Variants in MTRR observed in about 807,000 individuals in gnomAD.
MTRR encodes the protein 5-methyltetrahydrofolate-homocysteine methyltransferase reductase.
MTRR carries 63 observed loss-of-function variants against 79.2 expected under a neutral mutation model. The ratio of observed to expected loss-of-function variants is 0.80; its 90% CI spans 0.65 to 0.98. MTRR has a LOEUF of 0.98. MTRR is among the 50% of genes least tolerant of loss of function. MTRR has a pLI of 0.00. For missense variants in MTRR, 895 were observed against 839.6 expected (o/e 1.07, Z -0.82); for synonymous variants, 355 against 313.3 (o/e 1.13, Z -1.41).
intron 8 of MTRR, among the ~76,000 whole-genome samples, chr5:7,886,987 C>G (rs1178071151): frequency 1.3e-5 from 2 of 152,044 alleles, no homozygotes; most frequent in South Asian, 4.1e-4. Flanking sequence ...CTTACTTTTA[C>G]TAGTTATTAA....
At chr5:7,858,239 TG>T (rs948194593) in intron 1 of MTRR, among the ~76,000 whole-genome samples, 10 of 152,312 alleles carry the variant, frequency 6.6e-5, no homozygotes, top group African/African-American at 2.4e-4. Flanking sequence ...AAGGGGTTTC[TG>T]AGGCCTGATA....
At chr5:7,889,363 C>A in intron 9 of MTRR, 88 bp downstream of exon 9, 2 of 1,408,332 alleles carry the variant, frequency 1.4e-6, no homozygotes, top group South Asian at 2.3e-5. Flanking sequence ...ATTTGCTGCT[C>A]TTGTCTTACC....
At chr5:7,859,464 G>C in intron 1 of MTRR, 1 of 1,607,242 alleles carries the variant, frequency 6.2e-7, no homozygotes, top group Non-Finnish European at 8.5e-7. Flanking sequence ...ACAGTGTTTT[G>C]AGAAAACAGT....
intron 9 of MTRR, chr5:7,890,234 G>C (rs1737319823): frequency 1.0e-6 from 1 of 984,486 alleles, no homozygotes; most frequent in Admixed American, 6.2e-5. Flanking sequence ...TGCAAGTCAG[G>C]GCCTGATTTC....
chr5:7,872,311 A>G (rs1399942966), intron 2 of MTRR: 24 of 421,032 alleles, frequency 5.7e-5, no homozygotes, highest in Non-Finnish European at 1.1e-4. Flanking sequence ...TACAAGTAAG[A>G]CAAGGAAGTG....
chr5:7,868,340 C>T (rs964955617), upstream of MTRR: 1 of 423,744 alleles, frequency 2.4e-6, no homozygotes, highest in Admixed American at 4.0e-5. Context: ...TGTAGGTATT[C>T]TATTAACTTA....
intron 12 of MTRR, among the ~76,000 whole-genome samples, chr5:7,896,162 G>T (rs1738485783): frequency 6.6e-6 from 1 of 152,176 alleles, no homozygotes; most frequent in African/African-American, 2.4e-5. Flanking sequence ...TACAGCTGTT[G>T]TATCTATCCC....
intron 1 of MTRR, among the ~76,000 whole-genome samples, chr5:7,857,963 G>T (rs1047069742): frequency 3.3e-5 from 5 of 152,218 alleles, no homozygotes; most frequent in Non-Finnish European, 5.9e-5. Flanking sequence ...CGCTCGTGCT[G>T]TATTTTTCTT....
chr5:7,870,474 G>A, intron 1 of MTRR: 2 of 387,190 alleles, frequency 5.2e-6, no homozygotes, highest in South Asian at 4.3e-5. Context: ...CGGATCATTT[G>A]GGGAGCTTGT....
chr5:7,862,930 G>C, intron 2 of MTRR: 1 of 1,614,020 alleles, frequency 6.2e-7, no homozygotes, highest in Non-Finnish European at 8.5e-7. Context: ...AGAATCCACA[G>C]GGGTCTCCAG....
At position 7,876,787 on chromosome 5, in the gene MTRR, C is replaced by T. The variant is rs1429656895; in HGVS notation, c.402-1157C>T. The stretch of plus-strand genomic sequence containing the variant: ...AGTAATCTATTTACTGTGTAAGCTT[C>T]GTAGGAGGGTCAAACGGATTAATAC... On this transcript the variant is annotated intron_variant, in intron 4 of 14. Coordinates refer to ENST00000440940, the MANE Select transcript of MTRR (RefSeq NM_002454.3). 2.6e-5 allele frequency among the ~76,000 whole-genome samples: 4 copies of T among 152,150 alleles called. No individual in the cohort carries two copies. In the East Asian group the frequency reaches 5.8e-4, roughly 22 times the overall value.
intron 10 of MTRR, 35 bp downstream of exon 10, chr5:7,891,449 T>A: frequency 1.3e-6 from 2 of 1,565,656 alleles, no homozygotes; most frequent in South Asian, 2.2e-5. Flanking sequence ...TATAGCATTG[T>A]TTCTCCAAAA....
chr5:7,858,166 C>A (rs930032606), intron 1 of MTRR, among the ~76,000 whole-genome samples: 4 of 151,984 alleles, frequency 2.6e-5, no homozygotes, highest in Non-Finnish European at 4.4e-5. Flanking sequence ...AGGGAGGGAA[C>A]CTGAGTTCAC....
intron 1 of MTRR, chr5:7,856,804 C>T (rs1254818091): frequency 6.6e-6 from 1 of 150,638 alleles, no homozygotes; most frequent in African/African-American, 2.4e-5. Flanking sequence ...TGACTGCTTC[C>T]GTTTTCCCAG....
Position 7,886,653 on chromosome 5 carries a change from C to G in MTRR, c.1096C>G (p.Leu366Val). 1 of 1,614,054 alleles carries G rather than the reference C, an allele frequency of 6.2e-7. No homozygotes were observed. Among genetic ancestry groups the G allele is most frequent in the Non-Finnish European group, 8.5e-7 (1 of 1,179,942 alleles). Residue 366 changes from leucine (L) to valine (V), a missense_variant, in exon 8 of 15, where the codon CTC (leucine) becomes GTC (valine). By Grantham distance (32) the Leu-to-Val change is conservative. Coordinates refer to ENST00000440940, the MANE Select transcript of MTRR (RefSeq NM_002454.3). ...LPQHIPAGCS[L>V]QFIFTWCLEI... ...CCAGCATATACCTGCGGGATGTTCT[C>G]TCCAGTTCATTTTTACCTGGTGTCT... is the stretch of plus-strand genomic sequence containing the variant.
At position 7,897,256 on chromosome 5, in the gene MTRR, T is replaced by C; in HGVS notation, c.1952+9T>C. On this transcript the variant is annotated intron_variant, in intron 14 of 14. Coordinates refer to ENST00000440940, the MANE Select transcript of MTRR (RefSeq NM_002454.3). Reference sequence around the variant, plus strand: ...CATATTTATGTGTGTGGGTGAGTCATTATCGTGCCTAAGTCGGGTAGGAGA... The same window carrying C: ...CATATTTATGTGTGTGGGTGAGTCACTATCGTGCCTAAGTCGGGTAGGAGA... 1.9e-6 allele frequency: 3 copies of C among 1,613,962 alleles called. No individual in the cohort carries two copies. The highest frequency in any genetic ancestry group is 2.5e-6 in the Non-Finnish European group (3 of 1,180,002).
At chr5:7,883,031 C>T (rs1735822546) in intron 5 of MTRR, 124 bp from the exon 6 acceptor site, 1 of 1,261,140 alleles carries the variant, frequency 7.9e-7, no homozygotes, top group Non-Finnish European at 1.1e-6. Flanking sequence ...ATTCATTTAC[C>T]TTGGAAATGA....
upstream of MTRR, chr5:7,867,404 G>A (rs1747055906): frequency 6.2e-7 from 1 of 1,614,184 alleles, no homozygotes; most frequent in South Asian, 1.1e-5. Flanking sequence ...ACTGTGCAGT[G>A]TAATCAGACT....
rs551630840 is a variant in MTRR at position 7,854,699 on chromosome 5, C to G, written n.391+3114C>G. On this transcript the variant is annotated intron_variant and non_coding_transcript_variant, in intron 1 of 3. Coordinates refer to the MTRR transcript ENST00000502509. The stretch of plus-strand genomic sequence containing the variant: ...AAGCTATCTCCCTCCGGGTCTCTCC[C>G]ACAACACATGAGAATTATGGAGATT... 2.0e-5 allele frequency among the ~76,000 whole-genome samples: 3 copies of G among 152,284 alleles called. No individual in the cohort carries two copies. In the South Asian group the frequency reaches 6.2e-4, roughly 32 times the overall value.
Sources: gnomAD v4.1 joint callset for allele counts (sites outside exome capture counted in the v4.1 genomes callset) on GRCh38, gnomAD v4.1.1 for gene constraint, MANE v1.5 for transcripts, NCBI Gene and HGNC (gene_info 2026-07-23, HGNC 2026-07-21) for gene names.